Variants in UBTD1 observed in about 807,000 individuals in gnomAD.
UBTD1 encodes the protein ubiquitin domain-containing protein 1.
Under a neutral mutation model 21.7 loss-of-function variants are expected in UBTD1, and 19 were observed. That is an observed-to-expected ratio of 0.87 (90% CI 0.61 to 1.28). UBTD1 has a LOEUF of 1.28. Ranked by LOEUF, UBTD1 falls within the 50% of genes most tolerant of loss-of-function variation. UBTD1 has a pLI of 0.00. For missense variants in UBTD1, 282 were observed against 315.1 expected, an observed-to-expected ratio of 0.89 and a Z score of 0.80; for synonymous variants, 116 against 135.1, an observed-to-expected ratio of 0.86 and a Z score of 0.98.
chr10:97,504,628 C>G (rs1276403255), intron 1 of UBTD1, among the ~76,000 whole-genome samples: 1 of 152,194 alleles, frequency 6.6e-6, no homozygotes, highest in Non-Finnish European at 1.5e-5. Context: ...GTTGTCTCCC[C>G]TTGCTCCATG....
intron 1 of UBTD1, among the ~76,000 whole-genome samples, chr10:97,541,385 G>T (rs1589877621): frequency 6.6e-6 from 1 of 152,080 alleles, no homozygotes; most frequent in East Asian, 1.9e-4. Context: ...GGTTGAGACG[G>T]GAGGATTGCT....
At chr10:97,564,430 C>T (rs1317442223) in intron 1 of UBTD1, among the ~76,000 whole-genome samples, 2 of 152,118 alleles carry the variant, frequency 1.3e-5, no homozygotes, top group East Asian at 3.8e-4. Context: ...TTTTCTGATC[C>T]TGAAGAGATT....
chr10:97,527,995 A>T (rs2040498372), intron 1 of UBTD1, among the ~76,000 whole-genome samples: 2 of 150,694 alleles, frequency 1.3e-5, no homozygotes, highest in Non-Finnish European at 3.0e-5. Context: ...GGCCGGGCAG[A>T]GGGGCTCCTC....
chr10:97,535,978 A>ATTATTATTATTGTTATTG (rs200019590), intron 1 of UBTD1, among the ~76,000 whole-genome samples: 126 of 145,556 alleles, frequency 8.7e-4, no homozygotes, highest in Middle Eastern at 7.1e-3. Context: ...AATTATTATT[A>ATTATTATTATTGTTATTG]TTATTATTAT....
intron 1 of UBTD1, among the ~76,000 whole-genome samples, chr10:97,528,963 C>T (rs2040509714): frequency 6.6e-6 from 1 of 151,960 alleles, no homozygotes; most frequent in Non-Finnish European, 1.5e-5. Flanking sequence ...CACCTCCCTC[C>T]CGGACAGGGT....
At chr10:97,562,745 A>G (rs2040698726) in intron 1 of UBTD1, among the ~76,000 whole-genome samples, 1 of 152,130 alleles carries the variant, frequency 6.6e-6, no homozygotes, top group East Asian at 1.9e-4. Flanking sequence ...GAACTGGGCT[A>G]TTTTCACTTC....
intron 1 of UBTD1, among the ~76,000 whole-genome samples, chr10:97,528,747 C>T (rs1483416734): frequency 2.1e-5 from 2 of 95,586 alleles, no homozygotes; most frequent in Non-Finnish European, 4.2e-5. Context: ...CCCTCCCGGA[C>T]GGGGCGGCTG....
At chr10:97,534,283 G>A (rs1160941847) in intron 1 of UBTD1, among the ~76,000 whole-genome samples, 1 of 152,230 alleles carries the variant, frequency 6.6e-6, no homozygotes, top group Non-Finnish European at 1.5e-5. Flanking sequence ...ATTGTGTGCG[G>A]ATCATTGGCC....
intron 1 of UBTD1, among the ~76,000 whole-genome samples, chr10:97,517,994 T>G (rs1379106555): frequency 1.3e-5 from 2 of 152,140 alleles, no homozygotes; most frequent in African/African-American, 2.4e-5. Context: ...CCCCATTTAC[T>G]TCCTAGTGTG....
At chr10:97,517,836 C>T (rs2040451231) in intron 1 of UBTD1, among the ~76,000 whole-genome samples, 1 of 152,116 alleles carries the variant, frequency 6.6e-6, no homozygotes, top group African/African-American at 2.4e-5. Context: ...AGGATCCCTT[C>T]ACCCACACTG....
intron 1 of UBTD1, among the ~76,000 whole-genome samples, chr10:97,543,404 C>A (rs545468210): frequency 1.3e-5 from 2 of 152,328 alleles, no homozygotes; most frequent in South Asian, 4.1e-4. Flanking sequence ...GTTCCACAAA[C>A]CCAGTGTTGT....
intron 1 of UBTD1, among the ~76,000 whole-genome samples, chr10:97,527,937 T>G (rs2040497452): frequency 6.6e-6 from 1 of 152,184 alleles, no homozygotes; most frequent in South Asian, 2.1e-4. Flanking sequence ...ATTGTCATCA[T>G]GGCCCGTTCT....
chr10:97,570,399 C>T lies in UBTD1; in HGVS notation c.560C>T (p.Ser187Leu), dbSNP rs368232651. The T allele has an allele frequency of 1.1e-5, 17 of 1,613,320 alleles. No individual in the cohort carries two copies. Among genetic ancestry groups the T allele is most frequent in the African/African-American group, 4.0e-5 (3 of 74,940 alleles). Residue 187 changes from serine to leucine, a missense_variant, in exon 3 of 3, where the codon TCG becomes TTG. Coordinates refer to ENST00000370664, the MANE Select transcript of UBTD1 (RefSeq NM_024954.5). This position sits in a 1 kb window ranked among gnomAD's most constrained non-coding sequence, Gnocchi z 6.6. ...CACGCCCAGGAGGGCATCGAGCCAT[C>T]GTGGCAGCGGTGGTTCTTCTCCGGG... ...QLHAQEGIEP[S>L]WQRWFFSGKL...
intron 1 of UBTD1, among the ~76,000 whole-genome samples, chr10:97,502,389 T>A (rs1264978092): frequency 6.6e-6 from 1 of 152,200 alleles, no homozygotes; most frequent in Non-Finnish European, 1.5e-5. Flanking sequence ...GACATAGTTT[T>A]ACGTTGTAAG....
chr10:97,512,886 T>A (rs1430419181), intron 1 of UBTD1, among the ~76,000 whole-genome samples: 2 of 152,254 alleles, frequency 1.3e-5, no homozygotes, highest in Non-Finnish European at 2.9e-5. Flanking sequence ...CTGTCCTTCA[T>A]GTGTCTGGCC....
intron 1 of UBTD1, among the ~76,000 whole-genome samples, chr10:97,514,399 T>C (rs182755368): frequency 6.6e-6 from 1 of 152,206 alleles, no homozygotes; most frequent in Non-Finnish European, 1.5e-5. Flanking sequence ...CTTTTCCATT[T>C]ACTGCCCAGT....
intron 1 of UBTD1, among the ~76,000 whole-genome samples, chr10:97,517,030 C>T (rs573656866): frequency 2.0e-5 from 3 of 152,206 alleles, no homozygotes; most frequent in African/African-American, 7.2e-5. Context: ...CATTGCTGGA[C>T]TCCAAGGATG....
At chr10:97,546,669 G>A (rs145411661) in intron 1 of UBTD1, among the ~76,000 whole-genome samples, 401 of 151,824 alleles carry the variant, frequency 2.6e-3, no homozygotes, top group Non-Finnish European at 2.7e-3. Context: ...GTCCTGGGAG[G>A]GCTCAGCTCT....
At chr10:97,526,124 C>G (rs2040487118) in intron 1 of UBTD1, among the ~76,000 whole-genome samples, 1 of 152,190 alleles carries the variant, frequency 6.6e-6, no homozygotes, top group African/African-American at 2.4e-5. Flanking sequence ...GAAGCCTATT[C>G]GCAGTCATTG....
Sources: allele counts gnomAD v4.1 joint callset (sites outside exome capture counted in the v4.1 genomes callset), GRCh38; gene constraint gnomAD v4.1.1; non-coding constraint Gnocchi (gnomAD v3.1); transcripts MANE v1.5; gene names NCBI Gene and HGNC (gene_info 2026-07-23, HGNC 2026-07-21).